The following GALNTL6 variants were observed in gnomAD, a reference collection of about 807,000 sequenced individuals.
GALNTL6 encodes polypeptide N-acetylgalactosaminyltransferase-like 6.
In GALNTL6, 46 loss-of-function variants were observed where a neutral mutation model predicts 73.7. The observed-to-expected ratio is 0.62, with a 90% CI of 0.49 to 0.80. The LOEUF is 0.80. Ranked by LOEUF, GALNTL6 falls within the 30% of genes least tolerant of loss-of-function variation. GALNTL6 has a pLI of 0.00. For missense variants in GALNTL6, 604 were observed against 755.0 expected, an observed-to-expected ratio of 0.80 and a Z score of 2.34; for synonymous variants, 259 against 263.7, an observed-to-expected ratio of 0.98 and a Z score of 0.17.
chr4:172,818,131 C>T (rs1388690990), intron 7 of GALNTL6, among the ~76,000 whole-genome samples: 1 of 152,220 alleles, frequency 6.6e-6, no homozygotes, highest in African/African-American at 2.4e-5. Flanking sequence ...ATTCACTTCA[C>T]TGCTGCCAAC....
rs1217704117 is a variant in GALNTL6 at position 171,865,142 on chromosome 4, G to T, written c.138+50424G>T. 8.0e-5 allele frequency among the ~76,000 whole-genome samples: 12 copies of T among 150,650 alleles called. No individual in the cohort carries two copies. In the East Asian group the frequency reaches 2.3e-3, roughly 29 times the overall value. On this transcript the variant is annotated intron_variant, in intron 2 of 12. Transcript: ENST00000506823. ...GCCTGGGCGACAAAAGTGAAACTCT[G>T]TCTCAAAAAAAAAAAAGATTTAATC...
At chr4:172,096,084 C>CTGTGTGTG (rs138495979) in intron 2 of GALNTL6, among the ~76,000 whole-genome samples, 103,803 of 146,970 alleles carry the variant, frequency 0.71, 38,290 homozygotes, top group East Asian at 0.82. Flanking sequence ...CTCTCTCTTT[C>CTGTGTGTG]TGTGTGTGTG....
intron 4 of GALNTL6, among the ~76,000 whole-genome samples, chr4:172,324,156 G>A (rs333385): frequency 1 from 151,918 of 152,062 alleles, 75,887 homozygotes; most frequent in Middle Eastern, 1. Flanking sequence ...GTGTGTGTAT[G>A]TATTCATTTT....
Position 172,941,112 on chromosome 4 carries a change from G to A in GALNTL6, c.1149+9844G>A, listed in dbSNP as rs1438544084. On this transcript the variant is annotated intron_variant, in intron 9 of 12. Coordinates refer to ENST00000506823, the MANE Select transcript of GALNTL6 (RefSeq NM_001034845.3). Reference sequence around the variant, plus strand: ...ATTTAAATTTTTCAAATATTCCATTGTGCTTTCCCAATTTTCAGCTCAGTT... The same window carrying A: ...ATTTAAATTTTTCAAATATTCCATTATGCTTTCCCAATTTTCAGCTCAGTT... Among the ~76,000 whole-genome samples the A allele has an allele frequency of 2.0e-5, 3 of 152,004 alleles. No individual in the cohort carries two copies. The East Asian group carries it at 5.8e-4, about 29-fold the overall frequency.
intron 3 of GALNTL6, among the ~76,000 whole-genome samples, chr4:172,268,104 T>C (rs1738512130): frequency 6.6e-6 from 1 of 152,186 alleles, no homozygotes; most frequent in Non-Finnish European, 1.5e-5. Flanking sequence ...ATGAATTCCA[T>C]GTGAGAAAAC....
chr4:171,936,020 C>T (rs913875883), intron 2 of GALNTL6, among the ~76,000 whole-genome samples: 1 of 152,100 alleles, frequency 6.6e-6, no homozygotes, highest in African/African-American at 2.4e-5. Flanking sequence ...AAATATCTAT[C>T]TGTGGATAAT....
intron 2 of GALNTL6, among the ~76,000 whole-genome samples, chr4:172,218,918 A>C (rs186106479): frequency 1.0e-3 from 157 of 151,872 alleles, no homozygotes; most frequent in Non-Finnish European, 1.8e-3. Context: ...AGTAATAATA[A>C]ATAAGTAAAT....
intron 2 of GALNTL6, among the ~76,000 whole-genome samples, chr4:171,955,763 A>T (rs536185042): frequency 8.2e-6 from 1 of 121,328 alleles, no homozygotes; most frequent in Non-Finnish European, 2.1e-5. Flanking sequence ...GTGTGTGTAT[A>T]CGTGTGTGTA....
At chr4:172,053,296 A>G (rs1388683081) in intron 2 of GALNTL6, among the ~76,000 whole-genome samples, 1 of 152,146 alleles carries the variant, frequency 6.6e-6, no homozygotes. Flanking sequence ...AAAAAACACA[A>G]TAATACAGGG....
At chr4:172,401,407 C>T (rs1744032686) in intron 5 of GALNTL6, among the ~76,000 whole-genome samples, 1 of 152,090 alleles carries the variant, frequency 6.6e-6, no homozygotes, top group Non-Finnish European at 1.5e-5. Flanking sequence ...CTCTACACGA[C>T]ATCTAAAATC....
At chr4:172,841,881 A>C (rs1382163407) in intron 7 of GALNTL6, among the ~76,000 whole-genome samples, 1 of 152,226 alleles carries the variant, frequency 6.6e-6, no homozygotes, top group Non-Finnish European at 1.5e-5. Flanking sequence ...ATATCATAGC[A>C]TCATTAATAC....
chr4:172,122,433 G>A (rs1333910589), intron 2 of GALNTL6, among the ~76,000 whole-genome samples: 1 of 152,136 alleles, frequency 6.6e-6, no homozygotes, highest in Non-Finnish European at 1.5e-5. Flanking sequence ...ATGGCACCAG[G>A]CAGTTTGGTG....
chr4:171,974,791 A>C (rs1739671614), intron 2 of GALNTL6, among the ~76,000 whole-genome samples: 1 of 152,180 alleles, frequency 6.6e-6, no homozygotes, highest in Non-Finnish European at 1.5e-5. Context: ...AGCCTAATGA[A>C]AGAATAAAAA....
intron 10 of GALNTL6, among the ~76,000 whole-genome samples, chr4:173,001,048 A>G (rs936104237): frequency 1.3e-5 from 2 of 152,208 alleles, no homozygotes; most frequent in African/African-American, 4.8e-5. Flanking sequence ...GGACACCAGC[A>G]CACACACAAA....
chr4:171,862,784 G>C (rs547348250), intron 2 of GALNTL6, among the ~76,000 whole-genome samples: 1 of 152,096 alleles, frequency 6.6e-6, no homozygotes, highest in East Asian at 1.9e-4. Context: ...AGAGTCAACT[G>C]ATCAAATATA....
At chr4:172,279,350 A>G (rs969419469) in intron 3 of GALNTL6, among the ~76,000 whole-genome samples, 5 of 152,284 alleles carry the variant, frequency 3.3e-5, no homozygotes, top group African/African-American at 1.2e-4. Context: ...ACATATAAAG[A>G]TTTGCTACAA....
intron 2 of GALNTL6, among the ~76,000 whole-genome samples, chr4:171,843,577 G>T (rs770280232): frequency 3.3e-5 from 5 of 151,712 alleles, no homozygotes; most frequent in Non-Finnish European, 4.4e-5. Flanking sequence ...GCTTTTAACC[G>T]CAAATGGGCA....
chr4:172,031,905 C>T (rs1741783281), intron 2 of GALNTL6, among the ~76,000 whole-genome samples: 1 of 151,952 alleles, frequency 6.6e-6, no homozygotes, highest in Non-Finnish European at 1.5e-5. Flanking sequence ...GGAATTAGAG[C>T]TTCTTAATGC....
chr4:172,032,327 A>G (rs1194537030), intron 2 of GALNTL6, among the ~76,000 whole-genome samples: 1 of 152,094 alleles, frequency 6.6e-6, no homozygotes, highest in African/African-American at 2.4e-5. Context: ...AAGACCTATG[A>G]CACTCTGAAT....
Sources: gnomAD v4.1 joint callset for allele counts (sites outside exome capture counted in the v4.1 genomes callset) on GRCh38, gnomAD v4.1.1 for gene constraint, MANE v1.5 for transcripts, NCBI Gene and HGNC (gene_info 2026-07-23, HGNC 2026-07-21) for gene names.